The following MAMLD1 variants were observed in gnomAD, a reference collection of about 807,000 sequenced individuals.
MAMLD1 encodes mastermind-like domain-containing protein 1.
A neutral mutation model predicts 45.0 loss-of-function variants in MAMLD1; 14 were observed. The ratio of observed to expected loss-of-function variants is 0.31; its 90% confidence interval spans 0.21 to 0.49. The LOEUF (loss-of-function observed/expected upper bound fraction) is 0.49. Among genes scored for constraint, MAMLD1 ranks in the 20% least tolerant of loss-of-function variants. The pLI, the probability that MAMLD1 is intolerant of heterozygous loss-of-function variation, is 0.99. For synonymous variants in MAMLD1, 254 were observed against 247.8 expected, an observed-to-expected ratio of 1.02 and a Z score of -0.24; for missense variants, 543 against 603.6, an observed-to-expected ratio of 0.90 and a Z score of 1.05.
chrX:150,478,635 A>T (rs2036653856), intron 5 of MAMLD1, among the ~76,000 whole-genome samples: 1 of 112,589 alleles, frequency 8.9e-6, no homozygotes. Context: ...CACCAGTCAA[A>T]TGATAAGTAA....
intron 1 of MAMLD1, among the ~76,000 whole-genome samples, chrX:150,434,285 C>CCT (rs781895981): frequency 7.2e-4 from 79 of 110,181 alleles, no homozygotes; most frequent in African/African-American, 2.5e-3. Flanking sequence ...TTATTTGGAT[C>CCT]CTCTCTCTTT....
chrX:150,386,985 C>G (rs1226108694), intron 1 of MAMLD1, among the ~76,000 whole-genome samples: 4 of 110,974 alleles, frequency 3.6e-5, no homozygotes, highest in African/African-American at 1.3e-4. Flanking sequence ...AAATTTTCAG[C>G]ATACTTTTCA....
chrX:150,428,375 C>T (rs926674398), intron 1 of MAMLD1, among the ~76,000 whole-genome samples: 2 of 112,627 alleles, frequency 1.8e-5, no homozygotes, highest in Non-Finnish European at 3.8e-5. Flanking sequence ...AATATAAAAT[C>T]GAAAGTTGAA....
chrX:150,418,050 T>A (rs1455698289), intron 1 of MAMLD1, among the ~76,000 whole-genome samples: 1 of 110,910 alleles, frequency 9.0e-6, no homozygotes, highest in Non-Finnish European at 1.9e-5. Flanking sequence ...AGAATTCGGC[T>A]GTGAATCCAT....
At chrX:150,491,500 G>A in intron 5 of MAMLD1, among the ~76,000 whole-genome samples, 1 of 112,163 alleles carries the variant, frequency 8.9e-6, no homozygotes, top group South Asian at 3.7e-4. Context: ...AATTCTCAGA[G>A]CCCCAGCTGT....
intron 1 of MAMLD1, among the ~76,000 whole-genome samples, chrX:150,390,709 G>A (rs972079896): frequency 2.1e-4 from 23 of 111,704 alleles, no homozygotes; most frequent in Admixed American, 7.6e-4. Context: ...TAATAAACTC[G>A]TGAGAAAAAT....
intron 2 of MAMLD1, among the ~76,000 whole-genome samples, chrX:150,457,027 A>C (rs1297705118): frequency 8.9e-6 from 1 of 112,984 alleles, no homozygotes; most frequent in African/African-American, 3.2e-5. Flanking sequence ...ACTCTGCCAT[A>C]GGACATTAGG....
chrX:150,366,583 G>A (rs1274408458), intron 1 of MAMLD1, among the ~76,000 whole-genome samples: 2 of 112,243 alleles, frequency 1.8e-5, no homozygotes, highest in African/African-American at 6.5e-5. Context: ...TTTGCTGCCA[G>A]CCAGAGCAGC....
At chrX:150,486,888 A>G (rs943321042) in intron 5 of MAMLD1, among the ~76,000 whole-genome samples, 1 of 112,543 alleles carries the variant, frequency 8.9e-6, no homozygotes, top group Non-Finnish European at 1.9e-5. Context: ...GCTGGACAGC[A>G]GTAGCAAGGC....
intron 5 of MAMLD1, among the ~76,000 whole-genome samples, chrX:150,481,957 G>GGAAGAAA (rs2036785826): frequency 1.3e-5 from 1 of 78,722 alleles, no homozygotes; most frequent in Non-Finnish European, 2.4e-5. Context: ...AAGAAAGAAA[G>GGAAGAAA]AAAGAAAAAA....
intron 1 of MAMLD1, among the ~76,000 whole-genome samples, chrX:150,401,299 A>G (rs2033748303): frequency 9.5e-6 from 1 of 105,369 alleles, no homozygotes; most frequent in Non-Finnish European, 1.9e-5. Context: ...GAGCCAAATC[A>G]TGAGTGAACT....
intron 1 of MAMLD1, among the ~76,000 whole-genome samples, chrX:150,443,483 G>T (rs1435207452): frequency 9.6e-6 from 1 of 104,591 alleles, no homozygotes; most frequent in Non-Finnish European, 2.0e-5. Flanking sequence ...ATGTATACAT[G>T]TGCCATGCTG....
At chrX:150,396,881 T>C (rs2033441558) in intron 1 of MAMLD1, among the ~76,000 whole-genome samples, 1 of 112,299 alleles carries the variant, frequency 8.9e-6, no homozygotes, top group Non-Finnish European at 1.9e-5. Flanking sequence ...TTCCCAAGTC[T>C]AGGACTCTAG....
At chrX:150,417,023 A>G (rs1267845923) in intron 1 of MAMLD1, among the ~76,000 whole-genome samples, 3 of 106,821 alleles carry the variant, frequency 2.8e-5, no homozygotes, top group Non-Finnish European at 3.9e-5. Flanking sequence ...CTTTTTTTTT[A>G]TTATACTTTA....
intron 1 of MAMLD1, among the ~76,000 whole-genome samples, chrX:150,410,571 C>A (rs1254633003): frequency 1.8e-5 from 2 of 112,167 alleles, no homozygotes; most frequent in Admixed American, 9.4e-5. Context: ...TCTGCTAGGA[C>A]TGGAATGGAG....
chrX:150,400,557 C>T (rs972697489), intron 1 of MAMLD1, among the ~76,000 whole-genome samples: 16 of 111,903 alleles, frequency 1.4e-4, no homozygotes, highest in Non-Finnish European at 2.4e-4. Context: ...GGAATGCTTC[C>T]AGTATTTGCC....
chrX:150,435,158 T>C (rs184580502), intron 1 of MAMLD1, among the ~76,000 whole-genome samples: 82 of 111,840 alleles, frequency 7.3e-4, no homozygotes, highest in African/African-American at 2.6e-3. Flanking sequence ...TTTACCATTA[T>C]ATAATGCTCT....
chrX:150,487,126 C>T (rs2037018280), intron 5 of MAMLD1, among the ~76,000 whole-genome samples: 1 of 111,492 alleles, frequency 9.0e-6, no homozygotes, highest in African/African-American at 3.3e-5. Flanking sequence ...ACAAGGACAC[C>T]CCTGCCCTTC....
intron 5 of MAMLD1, among the ~76,000 whole-genome samples, chrX:150,486,943 G>A (rs1338678804): frequency 8.9e-6 from 1 of 112,050 alleles, no homozygotes; most frequent in Non-Finnish European, 1.9e-5. Context: ...ATAATGAGAG[G>A]ATTGGATTAA....
Sources: allele counts gnomAD v4.1 joint callset (sites outside exome capture counted in the v4.1 genomes callset), GRCh38; gene constraint gnomAD v4.1.1; transcripts MANE v1.5; gene names NCBI Gene and HGNC (gene_info 2026-07-23, HGNC 2026-07-21).